GSR: variants seen among roughly 807,000 people sequenced by gnomAD.
GSR encodes the protein glutathione-disulfide reductase, also known as glutathione reductase, mitochondrial.
In GSR, 48 loss-of-function variants were observed where a neutral mutation model predicts 56.5. That is an observed-to-expected ratio of 0.85 (90% CI 0.67 to 1.08). The LOEUF is 1.08. Among genes scored for constraint, GSR ranks in the 50% least tolerant of loss-of-function variants. The pLI, the probability that GSR is intolerant of heterozygous loss-of-function variation, is 0.00. For synonymous variants in GSR, 264 were observed against 270.8 expected (o/e 0.97, Z 0.25); for missense variants, 694 against 703.3 (o/e 0.99, Z 0.15).
In GSR at chr8:30,680,982, A is replaced by T; in HGVS notation, c.1341T>A (p.Phe447Leu). Reference sequence around the variant, plus strand: ...TGGTAACTGCGTGATACATCGGGGTAAAGCTCGTTGAATAGGTCTTCACAT... The same window carrying T: ...TGGTAACTGCGTGATACATCGGGGTTAAGCTCGTTGAATAGGTCTTCACAT... ...IENVKTYSTSFTPMYHAVTKR... is the reference protein window; with the variant it reads ...IENVKTYSTSLTPMYHAVTKR... Residue 447 changes from phenylalanine to leucine, a missense_variant, in exon 12 of 13, where the codon TTT becomes TTA. Coordinates refer to ENST00000221130, the MANE Select transcript of GSR (RefSeq NM_000637.5). The T allele has an allele frequency of 6.2e-7, 1 of 1,610,492 alleles. No homozygotes were observed. The highest frequency in any genetic ancestry group is 2.2e-5 in the East Asian group (1 of 44,866).
rs1190063343 is a variant in GSR, at chr8:30,727,774, C to G, written c.62G>C (p.Arg21Pro). The change falls in exon 1 of 13, where the codon CGC becomes CCC. Residue 21 changes from arginine to proline, a missense_variant. Arg to Pro is a moderately radical substitution (Grantham distance 103). Coordinates refer to ENST00000221130, the MANE Select transcript of GSR (RefSeq NM_000637.5). ...AAGCAGCAGGAAGCCTCGGAAGGCG[C>G]GCGCCGCCCGCCGCCAGCTCGGTCC... The part of the protein sequence containing the change: ...GAGPSWRRAA[R>P]AFRGFLLLLP... 7.4e-7 allele frequency: 1 copy of G among 1,358,970 alleles called. No homozygotes were observed. Among genetic ancestry groups the G allele is most frequent in the Admixed American group, 3.0e-5 (1 of 33,670 alleles). The allele number at this position is 1,358,970 out of a possible 1,614,324, so 84.2% of individuals were successfully genotyped here. A position where few individuals can be genotyped will look rare whatever the true frequency, so the allele number is the denominator to read the frequency against.
intron 4 of GSR, among the ~76,000 whole-genome samples, chr8:30,707,755 G>A (rs547184864): frequency 6.6e-6 from 1 of 152,078 alleles, no homozygotes; most frequent in South Asian, 2.1e-4. Flanking sequence ...AGGAGTTCGA[G>A]ACCAGCCTGG....
At chr8:30,697,241 C>T (rs2978666) in intron 6 of GSR, among the ~76,000 whole-genome samples, 2,301 of 151,894 alleles carry the variant, frequency 0.015, 28 homozygotes, top group Non-Finnish European at 0.019. Flanking sequence ...TGGTGAACCC[C>T]GTCTCTACTA....
intron 9 of GSR, 115 bp downstream of exon 9, chr8:30,689,046 A>G (rs1276085514): frequency 9.3e-6 from 8 of 863,558 alleles, no homozygotes; most frequent in Non-Finnish European, 1.5e-5. Flanking sequence ...ATACATGGGA[A>G]AAAGAGAAAA....
At chr8:30,703,968 A>T (rs1368706604) in intron 4 of GSR, among the ~76,000 whole-genome samples, 2 of 152,184 alleles carry the variant, frequency 1.3e-5, no homozygotes, top group Non-Finnish European at 2.9e-5. Context: ...AAGAAAGATG[A>T]CATCTTTGCC....
chr8:30,720,671 G>GAAAAAAAGAA (rs1804504516), intron 1 of GSR, among the ~76,000 whole-genome samples: 1 of 148,610 alleles, frequency 6.7e-6, no homozygotes, highest in Non-Finnish European at 1.5e-5. Context: ...GAGAAAAAGA[G>GAAAAAAAGAA]AAAAAAAAAA....
Position 30,696,487 on chromosome 8 carries a change from G to A in GSR, c.696-8C>T, listed in dbSNP as rs754893920. On this transcript the variant is annotated splice_region_variant and splice_polypyrimidine_tract_variant and intron_variant, in intron 6 of 12. Transcript: ENST00000221130. ...CCAACAATGACGCTGCGGCTGAGAC[G>A]CGAGCAGAGGGTTAGTATTCTTAAA... The A allele has an allele frequency of 5.7e-6, 9 of 1,574,584 alleles. No homozygotes were observed. Among genetic ancestry groups the A allele is most frequent in the African/African-American group, 2.7e-5 (2 of 74,078 alleles).
chr8:30,698,021 C>A (rs989707696), intron 6 of GSR, among the ~76,000 whole-genome samples: 1 of 152,124 alleles, frequency 6.6e-6, no homozygotes, highest in Non-Finnish European at 1.5e-5. Context: ...GCGGCTGAAT[C>A]CCTAAAAGAT....
chr8:30,690,388 G>A (rs370995032), intron 8 of GSR, among the ~76,000 whole-genome samples: 81 of 151,972 alleles, frequency 5.3e-4, no homozygotes, highest in African/African-American at 1.9e-3. Context: ...TCTAACTCAT[G>A]GCCTCAACTG....
chr8:30,725,916 A>G (rs1474736463), intron 1 of GSR, among the ~76,000 whole-genome samples: 1 of 151,578 alleles, frequency 6.6e-6, no homozygotes, highest in Non-Finnish European at 1.5e-5. Context: ...CATAACAGGA[A>G]GGTAAAGTGG....
At chr8:30,722,263 A>G (rs1804567404) in intron 1 of GSR, among the ~76,000 whole-genome samples, 1 of 151,928 alleles carries the variant, frequency 6.6e-6, no homozygotes, top group Non-Finnish European at 1.5e-5. Flanking sequence ...CTTTATGGCC[A>G]CTCCTTTATT....
intron 10 of GSR, among the ~76,000 whole-genome samples, chr8:30,683,883 G>C (rs558425424): frequency 6.6e-6 from 1 of 152,190 alleles, no homozygotes; most frequent in African/African-American, 2.4e-5. Flanking sequence ...GAAAACTTCA[G>C]TCTGTGCTAA....
At chr8:30,709,412 G>C (rs1804029373) in intron 3 of GSR, among the ~76,000 whole-genome samples, 1 of 152,040 alleles carries the variant, frequency 6.6e-6, no homozygotes, top group South Asian at 2.1e-4. Context: ...CTACAACATG[G>C]ACAAACCGTG....
chr8:30,692,196 C>CTTTTTTTTTTTTTTTTTTTTT (rs71206279), intron 8 of GSR, among the ~76,000 whole-genome samples: 1 of 76,412 alleles, frequency 1.3e-5, no homozygotes, highest in Non-Finnish European at 2.3e-5. Context: ...TAAAATACAG[C>CTTTTTTTTTTTTTTTTTTTTT]TTTTTTTTTT....
chr8:30,726,440 G>A (rs762422693), intron 1 of GSR, among the ~76,000 whole-genome samples: 11 of 152,092 alleles, frequency 7.2e-5, no homozygotes, highest in African/African-American at 1.2e-4. Flanking sequence ...AGAAAAGGGC[G>A]GGCACACCAA....
chr8:30,721,035 G>A (rs1426490236), intron 1 of GSR, among the ~76,000 whole-genome samples: 6 of 152,304 alleles, frequency 3.9e-5, no homozygotes, highest in African/African-American at 1.4e-4. Context: ...TATTGAGGCT[G>A]CAGTGAGCCA....
At chr8:30,685,298 C>A in intron 9 of GSR, among the ~76,000 whole-genome samples, 1 of 152,006 alleles carries the variant, frequency 6.6e-6, no homozygotes, top group East Asian at 1.9e-4. Context: ...TTGCTGTTTC[C>A]CAGGCTGACC....
At chr8:30,689,090 C>CT in intron 9 of GSR, 71 bp downstream of exon 9, 1 of 1,415,754 alleles carries the variant, frequency 7.1e-7, no homozygotes, top group Non-Finnish European at 1.0e-6. Flanking sequence ...TTTTGGGTGT[C>CT]TGGGGGGAAA....
At chr8:30,682,104 T>C (rs778463110) in intron 10 of GSR, 43 bp from the exon 11 acceptor site, 3 of 1,553,698 alleles carry the variant, frequency 1.9e-6, no homozygotes, top group Admixed American at 3.3e-5. Context: ...TACTGTCTGT[T>C]TTAACATAGC....
Sources: allele counts gnomAD v4.1 joint callset (sites outside exome capture counted in the v4.1 genomes callset), GRCh38; gene constraint gnomAD v4.1.1; transcripts MANE v1.5; gene names NCBI Gene and HGNC (gene_info 2026-07-23, HGNC 2026-07-21).